The following SNCAIP variants were observed in gnomAD, a reference collection of about 807,000 sequenced individuals.
SNCAIP encodes synuclein alpha interacting protein.
In SNCAIP, 43 loss-of-function variants were observed where a neutral mutation model predicts 86.7. That is an observed-to-expected ratio of 0.50 (90% CI 0.39 to 0.64). The LOEUF (loss-of-function observed/expected upper bound fraction) is 0.64, where lower values mean the gene tolerates loss of function less well. SNCAIP is among the 30% of genes least tolerant of loss of function. The pLI is 0.00. For missense variants in SNCAIP, 981 were observed against 1,103.1 expected, an observed-to-expected ratio of 0.89 and a Z score of 1.57; for synonymous variants, 417 against 427.2, an observed-to-expected ratio of 0.98 and a Z score of 0.29.
intron 1 of SNCAIP, among the ~76,000 whole-genome samples, chr5:122,361,340 G>A (rs1340254997): frequency 1.3e-5 from 2 of 152,084 alleles, no homozygotes; most frequent in Non-Finnish European, 2.9e-5. Flanking sequence ...GTGGCCTGGT[G>A]TGTGTTTCAC....
Position 122,450,959 on chromosome 5 carries a change from T to C in SNCAIP, c.2112T>C (p.Ile704=), listed in dbSNP as rs750261364. Residue 704 remains isoleucine (I), a synonymous_variant, in exon 10 of 11, where the codon ATT becomes ATC. Coordinates refer to ENST00000261368, the MANE Select transcript of SNCAIP (RefSeq NM_005460.4). ...CTGACCGACCAAGGCCGCAGCCCAT[T>C]GTAGAAAGCGTAGAGAGTATGGACA... The part of the protein sequence containing the change: ...RKADRPRPQP[I]VESVESMDSA... 6.8e-6 allele frequency: 11 copies of C among 1,613,908 alleles called. No individual in the cohort carries two copies. The highest frequency in any genetic ancestry group is 9.3e-6 in the Non-Finnish European group (11 of 1,180,000).
chr5:122,399,626 T>C lies in SNCAIP; in HGVS notation c.58-4167T>C, dbSNP rs544718160. On this transcript the variant is annotated intron_variant, in intron 2 of 10. Transcript: ENST00000261368. ...CTGAGCTATATCCCTGCCTCATTAG[T>C]TCTTATGTCTAGAGGAATTTATTTA... is the stretch of plus-strand genomic sequence containing the variant. Among the ~76,000 whole-genome samples, 130 of 152,308 alleles carry C rather than the reference T, an allele frequency of 8.5e-4. 1 individual carries two copies. Among genetic ancestry groups the C allele is most frequent in the African/African-American group, 3.0e-3 (124 of 41,556 alleles).
intron 1 of SNCAIP, among the ~76,000 whole-genome samples, chr5:122,359,221 G>T (rs546395231): frequency 1.3e-5 from 2 of 152,050 alleles, no homozygotes; most frequent in South Asian, 4.2e-4. Context: ...ACTAAATCAT[G>T]TTCTGAAGTG....
At chr5:122,402,386 C>A (rs752435573) in intron 2 of SNCAIP, among the ~76,000 whole-genome samples, 3 of 152,122 alleles carry the variant, frequency 2.0e-5, no homozygotes, top group Non-Finnish European at 4.4e-5. Flanking sequence ...AGGTAGTCAT[C>A]CCTCCCTCTG....
intron 1 of SNCAIP, among the ~76,000 whole-genome samples, chr5:122,385,197 G>C (rs1282255178): frequency 6.6e-6 from 1 of 152,154 alleles, no homozygotes; most frequent in African/African-American, 2.4e-5. Context: ...CTTCTTGTTT[G>C]TCTCCCCTGG....
chr5:122,451,067 C>CAAAT lies in SNCAIP; in HGVS notation c.2221_2224dup (p.Ser742Ter), dbSNP rs1783601649. 1 of 1,614,168 alleles carries CAAAT rather than the reference C, an allele frequency of 6.2e-7. No individual in the cohort carries two copies. The highest frequency in any genetic ancestry group is 8.5e-7 in the Non-Finnish European group (1 of 1,180,038). The stretch of plus-strand genomic sequence containing the variant: ...GGTTTCCTTTCAGCATCAAGGCCTC[C>CAAAT]AAATCCCTGGATGGCCACAGCCCAT... On this transcript the variant is annotated frameshift_variant, in exon 10 of 11. Coordinates refer to ENST00000261368, the MANE Select transcript of SNCAIP (RefSeq NM_005460.4). LOFTEE classifies it high-confidence loss of function.
chr5:122,456,250 T>C (rs1784724369), intron 10 of SNCAIP, among the ~76,000 whole-genome samples: 1 of 152,228 alleles, frequency 6.6e-6, no homozygotes, highest in Non-Finnish European at 1.5e-5. Flanking sequence ...TGCCAAGGTA[T>C]TAGCCACACT....
At chr5:122,403,693 C>A in intron 2 of SNCAIP, 100 bp from the exon 3 acceptor site, 1 of 940,640 alleles carries the variant, frequency 1.1e-6, no homozygotes, top group Non-Finnish European at 1.8e-6. Flanking sequence ...ACATGTTGTG[C>A]CCAAGTATCA....
At chr5:122,374,960 T>C (rs1383632439) in intron 1 of SNCAIP, among the ~76,000 whole-genome samples, 2 of 152,122 alleles carry the variant, frequency 1.3e-5, no homozygotes, top group African/African-American at 4.8e-5. Context: ...TTAATAATAG[T>C]ACCTCATCTA....
At chr5:122,422,741 T>C in intron 3 of SNCAIP, 127 bp from the exon 4 acceptor site, 1 of 748,668 alleles carries the variant, frequency 1.3e-6, no homozygotes, top group Non-Finnish European at 2.3e-6. Flanking sequence ...TGATGTGCAC[T>C]CTAAGTCATC....
intron 8 of SNCAIP, among the ~76,000 whole-genome samples, chr5:122,447,203 C>G (rs1782514485): frequency 6.6e-6 from 1 of 152,176 alleles, no homozygotes; most frequent in Non-Finnish European, 1.5e-5. Flanking sequence ...AAGCAAGGAA[C>G]AGCTTCTCCT....
chr5:122,334,546 A>T (rs1756028937), intron 1 of SNCAIP, among the ~76,000 whole-genome samples: 1 of 152,238 alleles, frequency 6.6e-6, no homozygotes, highest in Admixed American at 6.5e-5. Flanking sequence ...GAGTTACAGC[A>T]GAGAGGTGAC....
At chr5:122,447,438 G>A (rs1782568579) in intron 8 of SNCAIP, among the ~76,000 whole-genome samples, 1 of 152,182 alleles carries the variant, frequency 6.6e-6, no homozygotes, top group South Asian at 2.1e-4. Context: ...CCAGAGAGTA[G>A]TCTTCCTTCT....
intron 1 of SNCAIP, among the ~76,000 whole-genome samples, chr5:122,367,613 G>A (rs976796901): frequency 3.3e-5 from 5 of 152,038 alleles, no homozygotes; most frequent in Admixed American, 2.0e-4. Context: ...AGACACTTGG[G>A]GGAATTTCCC....
chr5:122,414,788 C>A (rs1330145335), intron 3 of SNCAIP, among the ~76,000 whole-genome samples: 4 of 152,162 alleles, frequency 2.6e-5, no homozygotes, highest in African/African-American at 9.7e-5. Context: ...AACCTTGGTC[C>A]TAGTTGAGAA....
At chr5:122,413,920 T>A (rs796988518) in intron 3 of SNCAIP, among the ~76,000 whole-genome samples, 1 of 152,224 alleles carries the variant, frequency 6.6e-6, no homozygotes, top group South Asian at 2.1e-4. Context: ...TTTTTGTTTG[T>A]TTTTTTATAG....
intron 1 of SNCAIP, among the ~76,000 whole-genome samples, chr5:122,338,400 C>A (rs1451086523): frequency 6.6e-5 from 10 of 152,172 alleles, no homozygotes; most frequent in Non-Finnish European, 1.2e-4. Flanking sequence ...CTTAAAAATT[C>A]ATGCTCACAA....
At chr5:122,452,930 G>A in intron 10 of SNCAIP, 2 of 1,546,208 alleles carry the variant, frequency 1.3e-6, no homozygotes, top group Non-Finnish European at 1.7e-6. Flanking sequence ...TCTAGGAAAT[G>A]TACAGCAGCT....
At chr5:122,349,923 C>T (rs1759423013) in intron 1 of SNCAIP, among the ~76,000 whole-genome samples, 1 of 152,186 alleles carries the variant, frequency 6.6e-6, no homozygotes, top group Non-Finnish European at 1.5e-5. Context: ...TGGACTTCCA[C>T]AGCCCTTTGC....
Sources: allele counts gnomAD v4.1 joint callset (sites outside exome capture counted in the v4.1 genomes callset), GRCh38; gene constraint gnomAD v4.1.1; transcripts MANE v1.5; gene names NCBI Gene and HGNC (gene_info 2026-07-23, HGNC 2026-07-21).